UBE3A: variants seen among roughly 807,000 people sequenced by gnomAD.
UBE3A encodes the protein ubiquitin protein ligase E3A, also known as ubiquitin-protein ligase E3A.
A neutral mutation model predicts 83.4 loss-of-function variants in UBE3A; 6 were observed. The ratio of observed to expected loss-of-function variants is 0.07; its 90% CI spans 0.04 to 0.14. The LOEUF is 0.14. Among genes scored for constraint, UBE3A ranks in the 10% least tolerant of loss-of-function variants. The probability of loss-of-function intolerance (pLI) is 1.00; values close to 1 mark genes in which losing one functional copy is unlikely to be tolerated. For synonymous variants in UBE3A, 337 were observed against 355.4 expected, an observed-to-expected ratio of 0.95 and a Z score of 0.58; for missense variants, 456 against 1,036.1, an observed-to-expected ratio of 0.44 and a Z score of 7.69.
intron 4 of UBE3A, among the ~76,000 whole-genome samples, chr15:25,397,404 T>C (rs946031638): frequency 6.6e-6 from 1 of 152,256 alleles, no homozygotes; most frequent in African/African-American, 2.4e-5. Context: ...GCAAGCTTCA[T>C]CTATCCTCTT....
At chr15:25,363,258 A>T (rs1308999278) in intron 6 of UBE3A, among the ~76,000 whole-genome samples, 1 of 149,282 alleles carries the variant, frequency 6.7e-6, no homozygotes, top group Non-Finnish European at 1.5e-5. Context: ...CTGTAAAATA[A>T]CCATAATAAT....
intron 11 of UBE3A, chr15:25,346,885 C>T (rs1473321920): frequency 6.6e-6 from 1 of 152,016 alleles, no homozygotes; most frequent in Non-Finnish European, 1.5e-5. Context: ...CATTAGAGGC[C>T]TAGAATGGAG....
At chr15:25,381,006 A>G (rs1171616194) in intron 4 of UBE3A, among the ~76,000 whole-genome samples, 1 of 152,242 alleles carries the variant, frequency 6.6e-6, no homozygotes, top group Admixed American at 6.5e-5. Flanking sequence ...AGTTTACTCT[A>G]GACAACTTGA....
In UBE3A at chr15:25,411,892, T is replaced by TA. The variant is rs1320374820; in HGVS notation, c.-101+15dup. On this transcript the variant is annotated intron_variant, in intron 2 of 12. Transcript: ENST00000648336. ...CACATGCAATACGAATTCCAAAAAA[T>TA]AAAACAAAAACATACCATATTTCGC... 6.6e-6 allele frequency: 1 copy of TA among 152,068 alleles called. No homozygotes were observed. Among genetic ancestry groups the TA allele is most frequent in the Admixed American group, 6.5e-5 (1 of 15,270 alleles). The allele number at this position is 152,068 out of a possible 1,614,324, so 9.4% of individuals were successfully genotyped here.
chr15:25,379,923 T>C (rs1023194802), intron 4 of UBE3A, among the ~76,000 whole-genome samples: 2 of 152,158 alleles, frequency 1.3e-5, no homozygotes, highest in Non-Finnish European at 2.9e-5. Context: ...CCCAAGTTCA[T>C]TGATTTATAA....
intron 6 of UBE3A, among the ~76,000 whole-genome samples, chr15:25,366,694 A>G (rs2152783230): frequency 6.6e-6 from 1 of 152,276 alleles, no homozygotes. Flanking sequence ...TAAAAATCTG[A>G]GTTTCCAAAA....
At chr15:25,363,148 C>T (rs1476649178) in intron 6 of UBE3A, among the ~76,000 whole-genome samples, 4 of 152,166 alleles carry the variant, frequency 2.6e-5, no homozygotes, top group African/African-American at 9.7e-5. Context: ...TTCCACTGAT[C>T]TCTATTCTAT....
chr15:25,402,495 A>T lies in UBE3A; in HGVS notation c.62+2966T>A, dbSNP rs377676693. Among the ~76,000 whole-genome samples the T allele has an allele frequency of 2.0e-5, 3 of 152,298 alleles. No individual in the cohort carries two copies. In the East Asian group the frequency reaches 5.8e-4, roughly 30 times the overall value. On this transcript the variant is annotated intron_variant, in intron 4 of 12. Coordinates refer to ENST00000648336, the MANE Select transcript of UBE3A (RefSeq NM_130839.5). ...CGATCTAGAGGGCAGGGCTGCAGGG[A>T]CCACCCTAGCACTAGACAGGCTTAG...
chr15:25,401,829 T>C (rs2087190764), intron 4 of UBE3A, among the ~76,000 whole-genome samples: 1 of 152,228 alleles, frequency 6.6e-6, no homozygotes, highest in Non-Finnish European at 1.5e-5. Flanking sequence ...GCTTGCTCAA[T>C]TCTGCTTTTA....
In UBE3A at chr15:25,339,108, T is replaced by TA; in HGVS notation, c.*28_*29insT. 3 of 1,476,526 alleles carry TA rather than the reference T, an allele frequency of 2.0e-6. No homozygotes were observed. The highest frequency in any genetic ancestry group is 2.7e-6 in the Non-Finnish European group (3 of 1,107,428). The allele number at this position is 1,476,526 out of a possible 1,614,324, so 91.5% of individuals were successfully genotyped here. On this transcript the variant is annotated 3_prime_UTR_variant, in exon 13 of 13. Transcript: ENST00000648336. ...ATTTTTTCTTTTTTTTTCCTTCCTT[T>TA]TTTTTGTTTTATTTTGTTTTGTTTT...
intron 4 of UBE3A, among the ~76,000 whole-genome samples, chr15:25,401,999 C>G (rs977115469): frequency 6.6e-6 from 1 of 152,180 alleles, no homozygotes; most frequent in African/African-American, 2.4e-5. Flanking sequence ...CTTCCTTAAA[C>G]AATTACTTTG....
chr15:25,429,575 G>A (rs568139134), intron 1 of UBE3A, among the ~76,000 whole-genome samples: 4 of 152,194 alleles, frequency 2.6e-5, no homozygotes, highest in East Asian at 1.9e-4. Flanking sequence ...CAGGCTGGAC[G>A]CAGTGGCTCA....
intron 3 of UBE3A, 36 bp from the exon 4 acceptor site, chr15:25,405,538 T>C (rs1237914604): frequency 1.9e-6 from 3 of 1,607,674 alleles, no homozygotes; most frequent in East Asian, 4.5e-5. Context: ...TAGCAAAATA[T>C]TCCATATTCC....
chr15:25,426,650 T>C (rs1891398304), intron 1 of UBE3A, among the ~76,000 whole-genome samples: 1 of 152,148 alleles, frequency 6.6e-6, no homozygotes, highest in Non-Finnish European at 1.5e-5. Flanking sequence ...AGCTTCTAAT[T>C]TAACTTCAAA....
At chr15:25,365,090 CTT>C (rs2078866284) in intron 6 of UBE3A, among the ~76,000 whole-genome samples, 1 of 152,064 alleles carries the variant, frequency 6.6e-6, no homozygotes, top group Admixed American at 6.6e-5. Context: ...ACTTCCTCTT[CTT>C]TAAGACTCTT....
chr15:25,347,518 G>A (rs1369289250), intron 11 of UBE3A, among the ~76,000 whole-genome samples: 1 of 152,066 alleles, frequency 6.6e-6, no homozygotes, highest in African/African-American at 2.4e-5. Context: ...TGGCCAATAT[G>A]GTGAAACCTC....
intron 4 of UBE3A, 27 bp downstream of exon 4, chr15:25,405,434 C>A (rs569814360): frequency 6.2e-7 from 1 of 1,613,400 alleles, no homozygotes; most frequent in South Asian, 1.1e-5. Flanking sequence ...AAAATAAGAA[C>A]CACAGTCTCA....
At chr15:25,387,588 G>GA (rs774020413) in intron 4 of UBE3A, among the ~76,000 whole-genome samples, 19 of 151,644 alleles carry the variant, frequency 1.3e-4, no homozygotes, top group Admixed American at 7.2e-4. Flanking sequence ...TATGAAACTA[G>GA]AAAAAGCAAA....
At chr15:25,385,317 C>T (rs960775860) in intron 4 of UBE3A, among the ~76,000 whole-genome samples, 12 of 152,060 alleles carry the variant, frequency 7.9e-5, no homozygotes, top group Admixed American at 6.5e-5. Context: ...AGAATATATA[C>T]AAATGGGCAA....
Sources: gnomAD v4.1 joint callset for allele counts (sites outside exome capture counted in the v4.1 genomes callset) on GRCh38, gnomAD v4.1.1 for gene constraint, MANE v1.5 for transcripts, NCBI Gene and HGNC (gene_info 2026-07-23, HGNC 2026-07-21) for gene names.